The following INTS7 variants were observed in gnomAD, a reference collection of about 807,000 sequenced individuals.
INTS7 encodes chromosome 1 open reading frame 73.
A neutral mutation model predicts 109.2 loss-of-function variants in INTS7; 46 were observed. The ratio of observed to expected loss-of-function variants is 0.42; its 90% CI spans 0.33 to 0.54. The LOEUF is 0.54. INTS7 is among the 20% of genes least tolerant of loss of function. INTS7 has a pLI of 0.07. For missense variants in INTS7, 929 were observed against 1,132.4 expected, an observed-to-expected ratio of 0.82 and a Z score of 2.58; for synonymous variants, 412 against 402.9, an observed-to-expected ratio of 1.02 and a Z score of -0.27.
chr1:211,948,103 C>T (rs1662921220), intron 17 of INTS7, among the ~76,000 whole-genome samples: 1 of 152,184 alleles, frequency 6.6e-6, no homozygotes, highest in African/African-American at 2.4e-5. Flanking sequence ...GGTATGCTGT[C>T]TGTCCCTCTA....
chr1:211,997,893 A>C (rs1665481180), intron 7 of INTS7, among the ~76,000 whole-genome samples: 1 of 151,602 alleles, frequency 6.6e-6, no homozygotes, highest in South Asian at 2.1e-4. Flanking sequence ...AAAAAAAAAA[A>C]CCACAATACT....
chr1:212,017,105 T>C (rs1243535890), intron 3 of INTS7, 82 bp from the exon 4 acceptor site: 4 of 1,109,652 alleles, frequency 3.6e-6, no homozygotes, highest in African/African-American at 1.6e-5. Flanking sequence ...CAAAGTCAGA[T>C]TATCAAAACT....
chr1:211,975,138 C>A, intron 13 of INTS7, 28 bp downstream of exon 13: 1 of 1,493,454 alleles, frequency 6.7e-7, no homozygotes, highest in South Asian at 1.1e-5. Context: ...TAAATCATCA[C>A]CACCAAAGGT....
chr1:211,964,531 A>G (rs1663783555), intron 16 of INTS7, among the ~76,000 whole-genome samples: 1 of 152,218 alleles, frequency 6.6e-6, no homozygotes, highest in South Asian at 2.1e-4. Context: ...AAGCAAAAAG[A>G]GCAAAGCTGG....
Position 211,968,684 on chromosome 1 carries a change from A to G in INTS7, c.1839T>C (p.Pro613=). The change falls in exon 14 of 20, where the codon CCT becomes CCC. Residue 613 remains proline (P), a synonymous_variant. Transcript: ENST00000366994. ...SLTAASTPLN[P]LSFQCEFVKL... ...TTACAAATTCACACTGAAAGCTTAA[A>G]GGATTCAGTGGTGTACTAGCTGCCT... 1 of 1,612,864 alleles carries G rather than the reference A, an allele frequency of 6.2e-7. No individual in the cohort carries two copies. Among genetic ancestry groups the G allele is most frequent in the Non-Finnish European group, 8.5e-7 (1 of 1,179,632 alleles).
Position 211,950,782 on chromosome 1 carries a change from C to T in INTS7, c.2316+1787G>A, listed in dbSNP as rs117487715. ...TTCTGAATGAGCCTAGGGCCCTTTT[C>T]TCTGTACTGTGTCTTCTGCTGGGCA... On this transcript the variant is annotated intron_variant, in intron 17 of 19. Coordinates refer to ENST00000366994, the MANE Select transcript of INTS7 (RefSeq NM_015434.4). Among the ~76,000 whole-genome samples, 17 of 152,344 alleles carry T rather than the reference C, an allele frequency of 1.1e-4. No individual in the cohort carries two copies. In the East Asian group the frequency reaches 3.3e-3, roughly 29 times the overall value.
intron 4 of INTS7, among the ~76,000 whole-genome samples, chr1:212,012,490 CA>C (rs1427984215): frequency 1.3e-5 from 2 of 152,114 alleles, no homozygotes; most frequent in African/African-American, 4.8e-5. Context: ...CACAGTAGCT[CA>C]CACCTGTAAT....
intron 7 of INTS7, among the ~76,000 whole-genome samples, chr1:211,994,942 C>T (rs565482508): frequency 6.6e-6 from 1 of 151,282 alleles, no homozygotes; most frequent in Admixed American, 6.6e-5. Flanking sequence ...AAGCTCAATG[C>T]AAATATTATT....
chr1:211,994,011 C>T (rs775819844), intron 7 of INTS7, among the ~76,000 whole-genome samples: 2 of 151,918 alleles, frequency 1.3e-5, no homozygotes, highest in Non-Finnish European at 2.9e-5. Context: ...TGGAAATGGA[C>T]ACAATGTGAA....
chr1:212,027,524 T>TA (rs1033378565), intron 1 of INTS7, among the ~76,000 whole-genome samples: 2 of 152,230 alleles, frequency 1.3e-5, no homozygotes, highest in African/African-American at 4.8e-5. Flanking sequence ...TGCCTGGACT[T>TA]AAACAGTGCT....
At chr1:212,010,496 C>T (rs1432706968) in intron 5 of INTS7, among the ~76,000 whole-genome samples, 1 of 152,084 alleles carries the variant, frequency 6.6e-6, no homozygotes, top group Non-Finnish European at 1.5e-5. Context: ...TCCAGAGCTC[C>T]TAATAATATT....
At chr1:212,010,056 G>A (rs182993232) in intron 5 of INTS7, among the ~76,000 whole-genome samples, 5 of 152,264 alleles carry the variant, frequency 3.3e-5, no homozygotes, top group African/African-American at 9.6e-5. Context: ...TAAAAGCATC[G>A]GCCTCAAAGC....
In INTS7 at chr1:211,976,633, A is replaced by C; in HGVS notation, c.1557T>G (p.Ser519Arg). ...GGTATACAGTCCATCCATTGGAGAC[A>C]CTTTCAAGCTGCTGCTTAATTACTG... ...SKAVIKQQLE[S>R]VSNGWTVYRI... The change falls in exon 12 of 20, where the codon AGT (serine) becomes AGG (arginine). Residue 519 changes from serine to arginine, a missense_variant. Around this residue, in one of 2 missense-constraint regions of INTS7, gnomAD observed 787 missense variants for 901.1 expected, o/e 0.87. Coordinates refer to ENST00000366994, the MANE Select transcript of INTS7 (RefSeq NM_015434.4). 4 of 1,614,046 alleles carry C rather than the reference A, an allele frequency of 2.5e-6. No homozygotes were observed. Among genetic ancestry groups the C allele is most frequent in the Middle Eastern group, 1.6e-4 (1 of 6,062 alleles).
chr1:211,981,268 T>G (rs1177113322), intron 9 of INTS7, 78 bp from the exon 10 acceptor site: 10 of 829,080 alleles, frequency 1.2e-5, no homozygotes, highest in Non-Finnish European at 7.9e-6. Context: ...GCATACACAC[T>G]CTCTTAGAAA....
chr1:212,014,981 C>G (rs1666345718), intron 4 of INTS7, among the ~76,000 whole-genome samples: 1 of 151,838 alleles, frequency 6.6e-6, no homozygotes, highest in Admixed American at 6.6e-5. Flanking sequence ...AGGAGCGTCT[C>G]TAACCGGCCA....
Position 211,978,377 on chromosome 1 carries a change from G to A in INTS7, c.1365C>T (p.Ala455=), listed in dbSNP as rs1303140960. 6.2e-7 allele frequency: 1 copy of A among 1,614,136 alleles called. No homozygotes were observed. The highest frequency in any genetic ancestry group is 1.3e-5 in the African/African-American group (1 of 75,030). The change falls in exon 11 of 20, where the codon GCC becomes GCT. Residue 455 remains alanine (A), a synonymous_variant. Coordinates refer to ENST00000366994, the MANE Select transcript of INTS7 (RefSeq NM_015434.4). ...CCAGCACCGGCAGTTGCATGGCAATGGCTGCCAGGCAATGGCACATCAAAA... is the reference window on the plus strand; with the variant it reads ...CCAGCACCGGCAGTTGCATGGCAATAGCTGCCAGGCAATGGCACATCAAAA... ...ARILMCHCLA[A]IAMQLPVLGD...
intron 16 of INTS7, among the ~76,000 whole-genome samples, chr1:211,958,850 A>G (rs1663480502): frequency 6.6e-6 from 1 of 152,168 alleles, no homozygotes; most frequent in Admixed American, 6.5e-5. Flanking sequence ...CTGACTAGAC[A>G]CAGCCAGGTG....
intron 4 of INTS7, among the ~76,000 whole-genome samples, chr1:212,013,656 GTA>G (rs1242401026): frequency 6.6e-6 from 1 of 152,144 alleles, no homozygotes; most frequent in Non-Finnish European, 1.5e-5. Context: ...TCCATTCATG[GTA>G]AGTGCCCTAT....
chr1:211,976,550 C>G lies in INTS7; in HGVS notation c.1608+32G>C, dbSNP rs905044486. On this transcript the variant is annotated intron_variant, in intron 12 of 19. Transcript: ENST00000366994. ...AAGATACATGATCTGACATTTCCAGCAACCCAGTTCACTCAGAAGGGTAAC... is the reference window on the plus strand; with the variant it reads ...AAGATACATGATCTGACATTTCCAGGAACCCAGTTCACTCAGAAGGGTAAC... 2.5e-6 allele frequency: 4 copies of G among 1,579,998 alleles called. 1 individual carries two copies. The highest frequency in any genetic ancestry group is 3.4e-4 in the Middle Eastern group (2 of 5,914).
Sources: gnomAD v4.1 joint callset for allele counts (sites outside exome capture counted in the v4.1 genomes callset) on GRCh38, gnomAD v4.1.1 for gene constraint, gnomAD v4.1.1 regional missense constraint, MANE v1.5 for transcripts, NCBI Gene and HGNC (gene_info 2026-07-23, HGNC 2026-07-21) for gene names.